The following PAMR1 variants were observed in gnomAD, a reference collection of about 807,000 sequenced individuals.
PAMR1 encodes the protein peptidase domain containing associated with muscle regeneration 1.
PAMR1 carries 88 observed loss-of-function variants against 81.8 expected under a neutral mutation model. That is an observed-to-expected ratio of 1.08 (90% CI 0.91 to 1.28). The LOEUF (loss-of-function observed/expected upper bound fraction) is 1.28. Ranked by LOEUF, PAMR1 falls within the 50% of genes most tolerant of loss-of-function variation. The pLI, the probability that PAMR1 is intolerant of heterozygous loss-of-function variation, is 0.00. For synonymous variants in PAMR1, 336 were observed against 345.3 expected, an observed-to-expected ratio of 0.97 and a Z score of 0.30; for missense variants, 935 against 919.7, an observed-to-expected ratio of 1.02 and a Z score of -0.21.
intron 1 of PAMR1, among the ~76,000 whole-genome samples, chr11:35,521,601 C>G (rs1380273765): frequency 6.6e-6 from 1 of 152,188 alleles, no homozygotes. Flanking sequence ...TCTATCAGCA[C>G]AGTCTCCCTC....
intron 6 of PAMR1, among the ~76,000 whole-genome samples, chr11:35,464,559 A>G (rs910105553): frequency 1.3e-5 from 2 of 152,158 alleles, no homozygotes; most frequent in Admixed American, 1.3e-4. Flanking sequence ...ATCACAGCCA[A>G]CACTGTTTCC....
chr11:35,460,476 T>A (rs1856629349), intron 6 of PAMR1, among the ~76,000 whole-genome samples: 1 of 151,968 alleles, frequency 6.6e-6, no homozygotes, highest in African/African-American at 2.4e-5. Flanking sequence ...CCCTCCCTAC[T>A]CCCCCCACCC....
intron 6 of PAMR1, among the ~76,000 whole-genome samples, chr11:35,465,072 T>C (rs1023033452): frequency 2.0e-5 from 3 of 152,116 alleles, no homozygotes; most frequent in African/African-American, 4.8e-5. Flanking sequence ...GTCTGAGAGA[T>C]TGTGAACTAA....
chr11:35,447,266 G>A (rs943107454), intron 6 of PAMR1, among the ~76,000 whole-genome samples: 24 of 147,566 alleles, frequency 1.6e-4, no homozygotes, highest in East Asian at 1.4e-3. Context: ...GCAGTGGTGC[G>A]ATCTCGGCTC....
chr11:35,456,670 G>A (rs1423678410), intron 6 of PAMR1, among the ~76,000 whole-genome samples: 1 of 152,154 alleles, frequency 6.6e-6, no homozygotes, highest in Non-Finnish European at 1.5e-5. Flanking sequence ...GAGACCCAGA[G>A]GCACTTCTTT....
chr11:35,499,932 G>A (rs1850799241), intron 1 of PAMR1, among the ~76,000 whole-genome samples: 1 of 152,220 alleles, frequency 6.6e-6, no homozygotes, highest in Non-Finnish European at 1.5e-5. Flanking sequence ...GTAAGAGGGA[G>A]GCAGGATGGT....
At chr11:35,526,580 A>C (rs1034575044), upstream of PAMR1, among the ~76,000 whole-genome samples, 5 of 152,338 alleles carry the variant, frequency 3.3e-5, no homozygotes, top group South Asian at 1.0e-3. Flanking sequence ...TGTATTTTAC[A>C]ATTAGAGAAA....
At chr11:35,514,149 G>A (rs1005526821) in intron 1 of PAMR1, among the ~76,000 whole-genome samples, 7 of 152,188 alleles carry the variant, frequency 4.6e-5, no homozygotes, top group Non-Finnish European at 8.8e-5. Flanking sequence ...CTACAGCCTC[G>A]AGAGGATGGA....
At chr11:35,501,132 T>C (rs991817674) in intron 1 of PAMR1, among the ~76,000 whole-genome samples, 3 of 129,570 alleles carry the variant, frequency 2.3e-5, no homozygotes, top group Non-Finnish European at 4.8e-5. Context: ...CCTTTTTTTT[T>C]CTTTTTTTTT....
At chr11:35,476,081 G>A (rs1378912770) in intron 3 of PAMR1, among the ~76,000 whole-genome samples, 1 of 152,180 alleles carries the variant, frequency 6.6e-6, no homozygotes, top group Non-Finnish European at 1.5e-5. Context: ...TTTTGACAAA[G>A]CTATGAGGTC....
chr11:35,466,370 A>G (rs942865617), intron 6 of PAMR1, among the ~76,000 whole-genome samples: 2 of 152,158 alleles, frequency 1.3e-5, no homozygotes, highest in African/African-American at 4.8e-5. Flanking sequence ...GTAGAAATCA[A>G]TGGCACACAC....
Position 35,432,586 on chromosome 11 carries a change from C to A in PAMR1, c.1933G>T (p.Asp645Tyr), listed in dbSNP as rs1157096868. Residue 645 changes from aspartate (D) to tyrosine (Y), a missense_variant, in exon 11 of 11, where the codon GAT becomes TAT. Asp to Tyr is a radical substitution (Grantham distance 160, BLOSUM62 -3). Transcript: ENST00000619888. ...EDHGIPVSVT[D>Y]NMFCASWEPT... is the part of the protein sequence containing the mutation. ...TCCCAGCTGGCACAGAACATGTTATCAGTGACACTCACTGGGATGCCATGG... is the reference window on the plus strand; with the variant it reads ...TCCCAGCTGGCACAGAACATGTTATAAGTGACACTCACTGGGATGCCATGG... 2 of 1,614,010 alleles carry A rather than the reference C, an allele frequency of 1.2e-6. No homozygotes were observed. Among genetic ancestry groups the A allele is most frequent in the Non-Finnish European group, 1.7e-6 (2 of 1,180,002 alleles).
Position 35,474,704 on chromosome 11 carries a change from C to G in PAMR1, c.420G>C (p.Leu140Phe), listed in dbSNP as rs777205189. ...QVLRAPKGQI[L>F]LESYPLNAHC... ...GAGCATTTAGGGGATAGCTTTCCAACAAAATCTGACCCTTTGGGGCTCGCA... is the reference window on the plus strand; with the variant it reads ...GAGCATTTAGGGGATAGCTTTCCAAGAAAATCTGACCCTTTGGGGCTCGCA... Residue 140 changes from leucine to phenylalanine, a missense_variant, in exon 4 of 11, where the codon TTG becomes TTC. Transcript: ENST00000619888. 6.2e-7 allele frequency: 1 copy of G among 1,611,254 alleles called. No homozygotes were observed. Among genetic ancestry groups the G allele is most frequent in the South Asian group, 1.1e-5 (1 of 90,348 alleles).
chr11:35,504,143 G>A (rs1439297553), intron 1 of PAMR1, among the ~76,000 whole-genome samples: 5 of 151,944 alleles, frequency 3.3e-5, no homozygotes, highest in Non-Finnish European at 5.9e-5. Flanking sequence ...CATGGTTTTT[G>A]TTCTTGATTT....
chr11:35,469,636 A>T (rs1285190242), intron 5 of PAMR1, among the ~76,000 whole-genome samples: 1 of 152,188 alleles, frequency 6.6e-6, no homozygotes, highest in Non-Finnish European at 1.5e-5. Flanking sequence ...CTCCTAAAAG[A>T]GGGGTAGACC....
intron 1 of PAMR1, among the ~76,000 whole-genome samples, chr11:35,515,818 A>T (rs1427230200): frequency 6.7e-6 from 1 of 148,890 alleles, no homozygotes; most frequent in Non-Finnish European, 1.5e-5. Flanking sequence ...AGACAGATGT[A>T]TGCCAAGTCT....
intron 6 of PAMR1, among the ~76,000 whole-genome samples, chr11:35,446,000 C>T (rs143318177): frequency 1.3e-5 from 2 of 152,122 alleles, no homozygotes; most frequent in African/African-American, 4.8e-5. Context: ...ATTACTACCT[C>T]GATTTCAGAA....
At chr11:35,522,068 G>A (rs913611177) in intron 1 of PAMR1, among the ~76,000 whole-genome samples, 25 of 152,004 alleles carry the variant, frequency 1.6e-4, no homozygotes, top group Admixed American at 3.9e-4. Context: ...GACTACAGGC[G>A]CCTGCCACCA....
intron 1 of PAMR1, among the ~76,000 whole-genome samples, chr11:35,499,350 G>C (rs966660165): frequency 2.0e-5 from 3 of 152,164 alleles, no homozygotes; most frequent in Non-Finnish European, 4.4e-5. Flanking sequence ...TGCCCATGGG[G>C]TGTGGCTCAT....
Sources: allele counts gnomAD v4.1 joint callset (sites outside exome capture counted in the v4.1 genomes callset), GRCh38; gene constraint gnomAD v4.1.1; transcripts MANE v1.5; gene names NCBI Gene and HGNC (gene_info 2026-07-23, HGNC 2026-07-21).